Variants in NRXN1 observed in about 807,000 individuals in gnomAD.
NRXN1 encodes neurexin 1.
A neutral mutation model predicts 150.9 loss-of-function variants in NRXN1; 39 were observed. The observed-to-expected ratio is 0.26, with a 90% CI of 0.20 to 0.34. The LOEUF (loss-of-function observed/expected upper bound fraction) is 0.34. Among genes scored for constraint, NRXN1 ranks in the 10% least tolerant of loss-of-function variants. The probability of loss-of-function intolerance (pLI) is 1.00; values close to 1 mark genes in which losing one functional copy is unlikely to be tolerated. For missense variants in NRXN1, 1,815 were observed against 1,949.9 expected (o/e 0.93, Z 1.30); for synonymous variants, 924 against 757.0 (o/e 1.22, Z -3.62).
intron 5 of NRXN1, among the ~76,000 whole-genome samples, chr2:50,692,740 TGGGTACTGCACTTAAACA>T (rs1275265742): frequency 6.6e-6 from 1 of 152,086 alleles, no homozygotes; most frequent in African/African-American, 2.4e-5. Context: ...ATTCACTCTG[TGGGTACTGCACTTAAACA>T]AGTATTCACA....
intron 5 of NRXN1, among the ~76,000 whole-genome samples, chr2:50,811,681 T>C (rs557554317): frequency 2.6e-5 from 4 of 152,304 alleles, no homozygotes; most frequent in Admixed American, 2.0e-4. Flanking sequence ...AGATTTATTA[T>C]CTGGCTTCAT....
chr2:50,283,931 T>G (rs2071788136), intron 17 of NRXN1, among the ~76,000 whole-genome samples: 1 of 152,098 alleles, frequency 6.6e-6, no homozygotes, highest in Non-Finnish European at 1.5e-5. Flanking sequence ...GTAAAACATC[T>G]TTCTCTCTCT....
chr2:50,791,875 CA>C (rs1706097901), intron 5 of NRXN1, among the ~76,000 whole-genome samples: 1 of 151,980 alleles, frequency 6.6e-6, no homozygotes, highest in Non-Finnish European at 1.5e-5. Context: ...TGTCATCTGC[CA>C]CTTAGAGCCT....
At chr2:50,905,798 G>A (rs752679923) in intron 5 of NRXN1, among the ~76,000 whole-genome samples, 1 of 151,916 alleles carries the variant, frequency 6.6e-6, no homozygotes, top group African/African-American at 2.4e-5. Context: ...TTCCACAAAG[G>A]GCTTTGAATA....
intron 5 of NRXN1, among the ~76,000 whole-genome samples, chr2:50,873,287 C>T (rs961121799): frequency 1.3e-5 from 2 of 151,740 alleles, no homozygotes; most frequent in African/African-American, 4.8e-5. Flanking sequence ...AAAAGCAATA[C>T]CCCTGTAATA....
intron 21 of NRXN1, among the ~76,000 whole-genome samples, chr2:49,984,394 T>C (rs1353838258): frequency 6.6e-6 from 1 of 152,182 alleles, no homozygotes; most frequent in Non-Finnish European, 1.5e-5. Flanking sequence ...AGATCTGACG[T>C]CGTATAAACT....
intron 12 of NRXN1, among the ~76,000 whole-genome samples, chr2:50,517,773 G>C (rs894378274): frequency 1.3e-5 from 2 of 152,062 alleles, no homozygotes; most frequent in Non-Finnish European, 2.9e-5. Context: ...AACTTACTGA[G>C]TATTTAATTA....
intron 5 of NRXN1, among the ~76,000 whole-genome samples, chr2:50,641,045 C>T (rs1382692364): frequency 6.6e-6 from 1 of 152,076 alleles, no homozygotes; most frequent in Non-Finnish European, 1.5e-5. Context: ...TGGATAGGCT[C>T]ATCTTTCTTT....
rs559674238 is a variant in NRXN1, at chr2:50,988,312, T to C, written c.772+39190A>G. ...ATCTAGTAAAGTACTCACCTTGAAA[T>C]AATATAGACTTTAGATGCAAACCAT... On this transcript the variant is annotated intron_variant, in intron 2 of 22. Coordinates refer to ENST00000401669, the MANE Select transcript of NRXN1 (RefSeq NM_001330078.2). Among the ~76,000 whole-genome samples, 58 of 152,064 alleles carry C rather than the reference T, an allele frequency of 3.8e-4. 1 individual carries two copies. The South Asian group carries it at 0.012, about 30-fold the overall frequency.
intron 2 of NRXN1, among the ~76,000 whole-genome samples, chr2:50,945,520 A>G (rs1172419897): frequency 1.6e-4 from 1 of 6,228 alleles, no homozygotes; most frequent in African/African-American, 1.3e-3. Flanking sequence ...CTCTCTTACT[A>G]TATATATATA....
chr2:50,594,820 C>T (rs1558990401), intron 8 of NRXN1, among the ~76,000 whole-genome samples: 1 of 152,046 alleles, frequency 6.6e-6, no homozygotes, highest in African/African-American at 2.4e-5. Context: ...GTTTTTACCT[C>T]TTGTCTTACT....
chr2:50,165,330 G>A (rs1231753698), intron 18 of NRXN1, among the ~76,000 whole-genome samples: 1 of 152,066 alleles, frequency 6.6e-6, no homozygotes, highest in African/African-American at 2.4e-5. Context: ...ATATATTTCT[G>A]GATGAAGCCT....
chr2:51,022,822 T>C (rs1030169384), intron 2 of NRXN1, among the ~76,000 whole-genome samples: 37 of 152,316 alleles, frequency 2.4e-4, no homozygotes, highest in Middle Eastern at 3.4e-3. Flanking sequence ...ACAACAAATA[T>C]ATTTTGTCAC....
chr2:50,798,079 A>T (rs549457302), intron 5 of NRXN1, among the ~76,000 whole-genome samples: 1 of 152,322 alleles, frequency 6.6e-6, no homozygotes, highest in African/African-American at 2.4e-5. Context: ...GGAGAAGGAA[A>T]GAGAATGCTT....
intron 17 of NRXN1, among the ~76,000 whole-genome samples, chr2:50,442,054 A>G (rs906836473): frequency 6.6e-6 from 1 of 152,130 alleles, no homozygotes; most frequent in African/African-American, 2.4e-5. Flanking sequence ...TATGTCCATC[A>G]CTGTGGCTAT....
At chr2:50,235,856 T>TA (rs2065365693) in intron 18 of NRXN1, among the ~76,000 whole-genome samples, 1 of 152,020 alleles carries the variant, frequency 6.6e-6, no homozygotes, top group African/African-American at 2.4e-5. Context: ...TTCCAAAAGA[T>TA]AGACTTTAGA....
At chr2:49,942,612 A>G (rs1672185484) in intron 22 of NRXN1, among the ~76,000 whole-genome samples, 1 of 149,106 alleles carries the variant, frequency 6.7e-6, no homozygotes. Context: ...TATTATTATT[A>G]TTTTATTATT....
chr2:50,709,281 T>C (rs927577446), intron 5 of NRXN1, among the ~76,000 whole-genome samples: 3 of 152,190 alleles, frequency 2.0e-5, no homozygotes, highest in Non-Finnish European at 2.9e-5. Flanking sequence ...CCCGGAACCA[T>C]ACATTGACTC....
At chr2:50,098,105 C>A (rs59760564) in intron 18 of NRXN1, among the ~76,000 whole-genome samples, 5,406 of 152,202 alleles carry the variant, frequency 0.036, 331 homozygotes, top group African/African-American at 0.12. Context: ...AGCAACACCA[C>A]CACATCAAAA....
Sources: allele counts gnomAD v4.1 joint callset (sites outside exome capture counted in the v4.1 genomes callset), GRCh38; gene constraint gnomAD v4.1.1; transcripts MANE v1.5; gene names NCBI Gene and HGNC (gene_info 2026-07-23, HGNC 2026-07-21).